Variants in GRM5 observed in about 807,000 individuals in gnomAD.
GRM5 encodes glutamate metabotropic receptor 5, also known as metabotropic glutamate receptor 5.
GRM5 carries 19 observed loss-of-function variants against 83.1 expected under a neutral mutation model. The ratio of observed to expected loss-of-function variants is 0.23; its 90% CI spans 0.16 to 0.34. The LOEUF is 0.34. GRM5 is among the 10% of genes least tolerant of loss of function. The pLI is 1.00. For missense variants in GRM5, 1,160 were observed against 1,588.3 expected (o/e 0.73, Z 4.58); for synonymous variants, 675 against 633.6 (o/e 1.07, Z -0.98).
At chr11:88,915,135 A>AT (rs1945567096) in intron 2 of GRM5, among the ~76,000 whole-genome samples, 1 of 152,094 alleles carries the variant, frequency 6.6e-6, no homozygotes, top group Non-Finnish European at 1.5e-5. Flanking sequence ...TCTTTGTAGA[A>AT]TAAAAAAAAA....
intron 2 of GRM5, among the ~76,000 whole-genome samples, chr11:88,941,623 A>G (rs1334700083): frequency 6.6e-6 from 1 of 151,588 alleles, no homozygotes; most frequent in East Asian, 1.9e-4. Context: ...AAGCTTCCTT[A>G]CAAAAAAGAA....
At chr11:88,808,333 T>C (rs1272938358) in intron 3 of GRM5, among the ~76,000 whole-genome samples, 1 of 152,048 alleles carries the variant, frequency 6.6e-6, no homozygotes, top group Non-Finnish European at 1.5e-5. Flanking sequence ...CATAGAATTT[T>C]AGTTGCAGCA....
intron 3 of GRM5, among the ~76,000 whole-genome samples, chr11:88,800,860 A>T (rs1943379882): frequency 6.6e-6 from 1 of 152,150 alleles, no homozygotes; most frequent in Non-Finnish European, 1.5e-5. Flanking sequence ...TGTGAAAATA[A>T]CAGCAATTTT....
At chr11:88,724,335 G>A (rs1333366874) in intron 3 of GRM5, among the ~76,000 whole-genome samples, 4 of 152,048 alleles carry the variant, frequency 2.6e-5, no homozygotes, top group Non-Finnish European at 4.4e-5. Flanking sequence ...TCAGGAGGCC[G>A]TCGGTCCCTG....
At chr11:88,994,093 CAA>C (rs958239364) in intron 2 of GRM5, among the ~76,000 whole-genome samples, 109 of 150,434 alleles carry the variant, frequency 7.2e-4, no homozygotes, top group Middle Eastern at 3.4e-3. Context: ...CCATCCCCCC[CAA>C]AAAAAATAAG....
At chr11:88,885,450 G>GTTTTTTTTTTTTTTTTTTTTTTTTTTTTT (rs61456975) in intron 2 of GRM5, among the ~76,000 whole-genome samples, 1 of 62,664 alleles carries the variant, frequency 1.6e-5, no homozygotes, top group African/African-American at 5.9e-5. Context: ...TAGGTACCAT[G>GTTTTTTTTTTTTTTTTTTTTTTTTTTTTT]TTTTTTTTTT....
chr11:88,624,923 T>C (rs930480012), intron 4 of GRM5, among the ~76,000 whole-genome samples: 4 of 152,162 alleles, frequency 2.6e-5, no homozygotes, highest in Non-Finnish European at 4.4e-5. Flanking sequence ...ACTAAGATGG[T>C]GTTATTGCTA....
At chr11:88,793,311 G>A (rs1298542520) in intron 3 of GRM5, among the ~76,000 whole-genome samples, 1 of 152,094 alleles carries the variant, frequency 6.6e-6, no homozygotes, top group East Asian at 1.9e-4. Flanking sequence ...TGTGGTATAA[G>A]CTATGTGCTT....
chr11:88,577,965 C>T (rs913156013), intron 7 of GRM5, among the ~76,000 whole-genome samples: 1 of 151,956 alleles, frequency 6.6e-6, no homozygotes, highest in Non-Finnish European at 1.5e-5. Context: ...TGGACAGTGG[C>T]ATAATAATTA....
chr11:88,692,686 T>C (rs1020156307), intron 3 of GRM5, among the ~76,000 whole-genome samples: 3 of 152,188 alleles, frequency 2.0e-5, no homozygotes, highest in Non-Finnish European at 2.9e-5. Context: ...CAAGACTCCA[T>C]TTTCTGTTAA....
intron 2 of GRM5, among the ~76,000 whole-genome samples, chr11:88,877,075 G>A (rs577488205): frequency 8.5e-5 from 13 of 152,190 alleles, no homozygotes; most frequent in Admixed American, 7.2e-4. Flanking sequence ...GAGTAGCAGG[G>A]AAGAGGGGAG....
intron 7 of GRM5, among the ~76,000 whole-genome samples, chr11:88,570,640 T>A (rs35095907): frequency 7.0e-6 from 1 of 142,464 alleles, no homozygotes; most frequent in Non-Finnish European, 1.5e-5. Context: ...AGTGCAGTGG[T>A]GTGATCTTGG....
chr11:89,018,023 C>A (rs1460554663), intron 2 of GRM5, among the ~76,000 whole-genome samples: 1 of 152,090 alleles, frequency 6.6e-6, no homozygotes, highest in Non-Finnish European at 1.5e-5. Flanking sequence ...CTTAAACTAT[C>A]TGCCTCAATT....
At chr11:89,016,938 T>C (rs1376940018) in intron 2 of GRM5, among the ~76,000 whole-genome samples, 1 of 152,150 alleles carries the variant, frequency 6.6e-6, no homozygotes, top group Non-Finnish European at 1.5e-5. Flanking sequence ...CTTTAAGTTG[T>C]TTGTAGAAAG....
At chr11:88,816,898 G>A (rs1054401324) in intron 3 of GRM5, among the ~76,000 whole-genome samples, 2 of 151,956 alleles carry the variant, frequency 1.3e-5, no homozygotes, top group Admixed American at 1.3e-4. Context: ...AAATAAAATA[G>A]AAAAGTTCCT....
intron 3 of GRM5, among the ~76,000 whole-genome samples, chr11:88,845,729 C>CCCCG (rs1555026263): frequency 1.3e-5 from 2 of 151,362 alleles, no homozygotes; most frequent in African/African-American, 4.9e-5. Context: ...CACCGCGCCC[C>CCCCG]CCCCCACTTT....
chr11:89,054,309 G>A (rs1941824845), intron 1 of GRM5, among the ~76,000 whole-genome samples: 1 of 152,132 alleles, frequency 6.6e-6, no homozygotes, highest in South Asian at 2.1e-4. Flanking sequence ...AATCAATGAG[G>A]ACGCCAAGAT....
intron 2 of GRM5, among the ~76,000 whole-genome samples, chr11:88,943,252 A>G (rs1179980018): frequency 6.6e-6 from 1 of 152,098 alleles, no homozygotes; most frequent in Non-Finnish European, 1.5e-5. Flanking sequence ...TTAATCAAAC[A>G]TAACTTTCAT....
intron 2 of GRM5, among the ~76,000 whole-genome samples, chr11:88,910,055 C>G (rs1216178460): frequency 6.6e-6 from 1 of 152,042 alleles, no homozygotes; most frequent in Non-Finnish European, 1.5e-5. Context: ...ACTCCATCCC[C>G]ACTAAGCAAT....
Sources: gnomAD v4.1 joint callset for allele counts (sites outside exome capture counted in the v4.1 genomes callset) on GRCh38, gnomAD v4.1.1 for gene constraint, MANE v1.5 for transcripts, NCBI Gene and HGNC (gene_info 2026-07-23, HGNC 2026-07-21) for gene names.